SORCS1: variants seen among roughly 807,000 people sequenced by gnomAD.
SORCS1 encodes sortilin related VPS10 domain containing receptor 1.
A neutral mutation model predicts 146.1 loss-of-function variants in SORCS1; 60 were observed. The ratio of observed to expected loss-of-function variants is 0.41; its 90% confidence interval spans 0.33 to 0.51. The LOEUF is 0.51. Among genes scored for constraint, SORCS1 ranks in the 20% least tolerant of loss-of-function variants. The pLI is 0.21. For missense variants in SORCS1, 1,352 were observed against 1,487.6 expected (o/e 0.91, Z 1.50); for synonymous variants, 637 against 584.0 (o/e 1.09, Z -1.31).
intron 5 of SORCS1, among the ~76,000 whole-genome samples, chr10:106,751,982 C>T (rs1358196562): frequency 6.6e-6 from 1 of 152,080 alleles, no homozygotes; most frequent in Non-Finnish European, 1.5e-5. Flanking sequence ...GGAGAACATA[C>T]TAAGTGCTAA....
chr10:107,149,197 T>C (rs1968570291), intron 1 of SORCS1, among the ~76,000 whole-genome samples: 1 of 152,328 alleles, frequency 6.6e-6, no homozygotes, highest in East Asian at 1.9e-4. Flanking sequence ...TCTGTTCTTT[T>C]TTTCTTTTAT....
chr10:106,924,764 A>ATT (rs368269912), intron 2 of SORCS1, among the ~76,000 whole-genome samples: 2,412 of 99,864 alleles, frequency 0.024, 35 homozygotes, highest in Middle Eastern at 0.041. Context: ...AACTGCATGG[A>ATT]TTTTTTTTTT....
chr10:106,933,638 G>A (rs912155548), intron 2 of SORCS1, among the ~76,000 whole-genome samples: 1 of 151,820 alleles, frequency 6.6e-6, no homozygotes, highest in African/African-American at 2.4e-5. Context: ...TATCCAGGAT[G>A]CCCCCCCACC....
chr10:107,071,730 T>C (rs1962442160), intron 1 of SORCS1, among the ~76,000 whole-genome samples: 1 of 152,202 alleles, frequency 6.6e-6, no homozygotes, highest in African/African-American at 2.4e-5. Flanking sequence ...CTCACACTAG[T>C]CAGTCCAGTC....
intron 2 of SORCS1, among the ~76,000 whole-genome samples, chr10:106,914,857 T>C (rs1011231761): frequency 1.4e-4 from 21 of 152,182 alleles, no homozygotes; most frequent in African/African-American, 5.1e-4. Flanking sequence ...ATTCATTCAC[T>C]TTCTCCCTTC....
intron 9 of SORCS1, among the ~76,000 whole-genome samples, chr10:106,694,999 A>G (rs1243348072): frequency 6.6e-6 from 1 of 151,656 alleles, no homozygotes; most frequent in East Asian, 1.9e-4. Flanking sequence ...ACTACACAAA[A>G]CCATCAGGCA....
At chr10:106,592,054 G>C (rs1446125959) in intron 24 of SORCS1, among the ~76,000 whole-genome samples, 2 of 152,136 alleles carry the variant, frequency 1.3e-5, no homozygotes, top group African/African-American at 4.8e-5. Context: ...GCTGCCATCA[G>C]GTACTAAAAG....
chr10:106,705,954 T>C (rs369698615), intron 8 of SORCS1, among the ~76,000 whole-genome samples: 1 of 152,196 alleles, frequency 6.6e-6, no homozygotes, highest in East Asian at 1.9e-4. Flanking sequence ...GGGAGCTGAC[T>C]GGCTGAGAAA....
chr10:107,069,371 TTTTTTTC>T (rs1326408578), intron 1 of SORCS1, among the ~76,000 whole-genome samples: 1 of 152,118 alleles, frequency 6.6e-6, no homozygotes, highest in Admixed American at 6.6e-5. Flanking sequence ...TTCTTTTCCT[TTTTTTTC>T]TTTTTTCTTT....
At position 107,078,334 on chromosome 10, in the gene SORCS1, A is replaced by G. The variant is rs547985673; in HGVS notation, c.558+85635T>C. Among the ~76,000 whole-genome samples the G allele has an allele frequency of 2.0e-5, 3 of 152,360 alleles. No individual in the cohort carries two copies. The South Asian group carries it at 6.2e-4, about 32-fold the overall frequency. On this transcript the variant is annotated intron_variant, in intron 1 of 25. Transcript: ENST00000263054. ...TAAAATAAAAAAGATTACTCATTCA[A>G]TTTAGCCTAGTTCTAGCTCAGATTT...
At chr10:106,774,180 T>G (rs1860248600) in intron 4 of SORCS1, among the ~76,000 whole-genome samples, 1 of 152,238 alleles carries the variant, frequency 6.6e-6, no homozygotes, top group Non-Finnish European at 1.5e-5. Context: ...GGGTACCTTT[T>G]GGTTCTTACC....
chr10:106,922,768 TATA>T (rs1371803287), intron 2 of SORCS1, among the ~76,000 whole-genome samples: 1 of 152,206 alleles, frequency 6.6e-6, no homozygotes, highest in Non-Finnish European at 1.5e-5. Flanking sequence ...TGGACTAATG[TATA>T]ATAACAATGT....
chr10:106,695,708 G>T (rs369179234), intron 9 of SORCS1, among the ~76,000 whole-genome samples: 58 of 21,880 alleles, frequency 2.7e-3, no homozygotes, highest in African/African-American at 4.4e-3. Context: ...ATCAATTAAT[G>T]ATATTAATGA....
chr10:106,636,343 T>G (rs1848721661), intron 18 of SORCS1, among the ~76,000 whole-genome samples: 1 of 152,170 alleles, frequency 6.6e-6, no homozygotes, highest in South Asian at 2.1e-4. Flanking sequence ...ACAGAGAACA[T>G]TTTTTGAAAG....
chr10:106,928,686 G>T (rs1248110456), intron 2 of SORCS1, among the ~76,000 whole-genome samples: 1 of 152,268 alleles, frequency 6.6e-6, no homozygotes, highest in African/African-American at 2.4e-5. Context: ...AGCCACATGT[G>T]AGCATGCAAC....
chr10:107,127,361 T>C (rs1015272611), intron 1 of SORCS1, among the ~76,000 whole-genome samples: 1 of 152,144 alleles, frequency 6.6e-6, no homozygotes, highest in South Asian at 2.1e-4. Flanking sequence ...TATATCTGTT[T>C]GGGCCTCCAT....
intron 1 of SORCS1, among the ~76,000 whole-genome samples, chr10:107,110,116 A>G (rs1222512208): frequency 6.6e-6 from 1 of 152,100 alleles, no homozygotes; most frequent in Non-Finnish European, 1.5e-5. Flanking sequence ...TTTGGTCACA[A>G]CCATTTAAAT....
chr10:106,756,682 T>C (rs962789292), intron 5 of SORCS1, among the ~76,000 whole-genome samples: 5 of 152,220 alleles, frequency 3.3e-5, no homozygotes, highest in Non-Finnish European at 5.9e-5. Context: ...TTATGGTTGC[T>C]ATGGTAGTAT....
chr10:107,134,657 T>G (rs1222260021), intron 1 of SORCS1, among the ~76,000 whole-genome samples: 1 of 152,018 alleles, frequency 6.6e-6, no homozygotes, highest in East Asian at 1.9e-4. Context: ...AGACTTATAT[T>G]CCATCATTCC....
Sources: gnomAD v4.1 joint callset for allele counts (sites outside exome capture counted in the v4.1 genomes callset) on GRCh38, gnomAD v4.1.1 for gene constraint, MANE v1.5 for transcripts, NCBI Gene and HGNC (gene_info 2026-07-23, HGNC 2026-07-21) for gene names.